The following CAST variants were observed in gnomAD, a reference collection of about 807,000 sequenced individuals.
CAST encodes the protein MIR583 host.
Under a neutral mutation model 119.6 loss-of-function variants are expected in CAST, and 76 were observed. That is an observed-to-expected ratio of 0.64 (90% confidence interval 0.53 to 0.77). CAST has a LOEUF of 0.77. CAST is among the 30% of genes least tolerant of loss of function. CAST has a pLI of 0.00. For missense variants in CAST, 953 were observed against 946.5 expected (o/e 1.01, Z -0.09); for synonymous variants, 319 against 331.6 (o/e 0.96, Z 0.41).
the CAST span, among the ~76,000 whole-genome samples, chr5:96,020,746 T>G: frequency 2.0e-5 from 3 of 152,096 alleles, no homozygotes; most frequent in South Asian, 6.2e-4. Context: ...TCATTATATA[T>G]TACAATGTGA....
the CAST span, among the ~76,000 whole-genome samples, chr5:96,035,335 T>C: frequency 1.3e-5 from 2 of 151,366 alleles, no homozygotes; most frequent in Non-Finnish European, 2.9e-5. Flanking sequence ...AGGAAACACA[T>C]CATAATCAGG....
intron 29 of CAST, chr5:96,768,417 G>A (rs368019597): frequency 4.2e-5 from 19 of 456,332 alleles, no homozygotes; most frequent in Non-Finnish European, 6.2e-5. Flanking sequence ...TGAATCAAAC[G>A]ATGATATAGA....
chr5:96,771,836 G>A, intron 31 of CAST, 134 bp downstream of exon 31: 1 of 538,248 alleles, frequency 1.9e-6, no homozygotes, highest in Non-Finnish European at 3.3e-6. Context: ...AATGCATACT[G>A]CAAGATCTAC....
chr5:96,546,776 G>A lies in CAST; in HGVS notation c.60+16896G>A, dbSNP rs559430767. Among the ~76,000 whole-genome samples, 9 of 152,256 alleles carry A rather than the reference G, an allele frequency of 5.9e-5. No individual in the cohort carries two copies. In the South Asian group the frequency reaches 1.0e-3, roughly 18 times the overall value. On this transcript the variant is annotated intron_variant, in intron 1 of 11. Coordinates refer to the CAST transcript ENST00000505143. ...AATACAAAAAGGCCCATCGAGTATT[G>A]TACCTTTTTTTCCACTCTATAGTTC...
At chr5:96,262,010 C>T in the CAST span, among the ~76,000 whole-genome samples, 1 of 152,150 alleles carries the variant, frequency 6.6e-6, no homozygotes, top group Non-Finnish European at 1.5e-5. Context: ...GAATCAATTA[C>T]CCAAGGTCTT....
the CAST span, among the ~76,000 whole-genome samples, chr5:96,327,432 G>A: frequency 1.3e-4 from 20 of 152,228 alleles, no homozygotes; most frequent in Non-Finnish European, 2.4e-4. Context: ...AAAATTATTT[G>A]AGGAACTATT....
At chr5:96,133,811 G>T in the CAST span, among the ~76,000 whole-genome samples, 37,736 of 152,062 alleles carry the variant, frequency 0.25, 5,698 homozygotes, top group Middle Eastern at 0.33. Flanking sequence ...TGGTGAAGAC[G>T]AGAAGCCAGG....
At chr5:96,265,053 G>A in the CAST span, among the ~76,000 whole-genome samples, 1 of 152,180 alleles carries the variant, frequency 6.6e-6, no homozygotes, top group East Asian at 1.9e-4. Flanking sequence ...AAATGGAATT[G>A]TCAGGTAACA....
intron 1 of CAST, among the ~76,000 whole-genome samples, chr5:96,600,888 A>G (rs1419553742): frequency 6.6e-6 from 1 of 152,352 alleles, no homozygotes; most frequent in Non-Finnish European, 1.5e-5. Context: ...AAGAAATCCT[A>G]GAGAAATAGC....
chr5:96,603,534 G>A (rs1747197034), intron 1 of CAST, among the ~76,000 whole-genome samples: 1 of 151,976 alleles, frequency 6.6e-6, no homozygotes, highest in Non-Finnish European at 1.5e-5. Context: ...AGCTCTTCAG[G>A]GGCAATAACA....
the CAST span, among the ~76,000 whole-genome samples, chr5:96,072,735 A>T: frequency 1.6e-4 from 24 of 152,224 alleles, no homozygotes; most frequent in African/African-American, 5.8e-4. Flanking sequence ...TCAATCTCAA[A>T]GGAAAGAGAA....
the CAST span, among the ~76,000 whole-genome samples, chr5:96,285,793 G>A: frequency 1.3e-5 from 2 of 152,070 alleles, no homozygotes; most frequent in East Asian, 3.9e-4. Context: ...TGATGAAGAT[G>A]GAATCAAGCT....
At chr5:96,213,144 A>T in the CAST span, among the ~76,000 whole-genome samples, 1,104 of 152,176 alleles carry the variant, frequency 7.3e-3, 19 homozygotes, top group African/African-American at 0.026. Flanking sequence ...AATAAATTTT[A>T]AAAAATATTG....
the CAST span, among the ~76,000 whole-genome samples, chr5:96,311,382 T>A: frequency 1.3e-5 from 2 of 152,044 alleles, no homozygotes; most frequent in Non-Finnish European, 2.9e-5. Flanking sequence ...TTGAGAAAAA[T>A]GTGTATTCTG....
chr5:96,292,819 A>T, the CAST span, among the ~76,000 whole-genome samples: 1 of 152,316 alleles, frequency 6.6e-6, no homozygotes, highest in South Asian at 2.1e-4. Context: ...GAGTGAAGGG[A>T]TAGGGAGCGA....
intron 9 of CAST, among the ~76,000 whole-genome samples, chr5:96,731,633 C>T (rs1252952995): frequency 2.0e-5 from 3 of 151,242 alleles, no homozygotes; most frequent in South Asian, 2.1e-4. Context: ...GGTATATCTC[C>T]CAATGCTATC....
the CAST span, among the ~76,000 whole-genome samples, chr5:96,173,274 T>A: frequency 6.6e-6 from 1 of 152,234 alleles, no homozygotes; most frequent in African/African-American, 2.4e-5. Flanking sequence ...TAATGTTTCA[T>A]GTAAAGGAGC....
the CAST span, among the ~76,000 whole-genome samples, chr5:96,458,423 G>C: frequency 6.6e-6 from 1 of 152,156 alleles, no homozygotes; most frequent in African/African-American, 2.4e-5. Context: ...GAGATTTCAT[G>C]AATCCGTAAA....
chr5:96,583,779 G>T (rs10038889), intron 1 of CAST, among the ~76,000 whole-genome samples: 1 of 152,150 alleles, frequency 6.6e-6, no homozygotes, highest in East Asian at 1.9e-4. Flanking sequence ...TCATATACTC[G>T]TCAAAAAGAC....
Sources: gnomAD v4.1 joint callset for allele counts (sites outside exome capture counted in the v4.1 genomes callset) on GRCh38, gnomAD v4.1.1 for gene constraint, MANE v1.5 for transcripts, NCBI Gene and HGNC (gene_info 2026-07-23, HGNC 2026-07-21) for gene names.